Variants in DCAF6 observed in about 807,000 individuals in gnomAD.
DCAF6 encodes DDB1- and CUL4-associated factor 6.
A neutral mutation model predicts 125.1 loss-of-function variants in DCAF6; 54 were observed. The observed-to-expected ratio is 0.43, with a 90% CI of 0.35 to 0.54. The LOEUF is 0.54. Among genes scored for constraint, DCAF6 ranks in the 20% least tolerant of loss-of-function variants. The probability of loss-of-function intolerance (pLI) is 0.01; values close to 1 mark genes in which losing one functional copy is unlikely to be tolerated. For synonymous variants in DCAF6, 371 were observed against 390.4 expected, an observed-to-expected ratio of 0.95 and a Z score of 0.58; for missense variants, 934 against 1,161.7, an observed-to-expected ratio of 0.80 and a Z score of 2.85.
chr1:167,901,316 T>A, the DCAF6 span, among the ~76,000 whole-genome samples: 2 of 152,192 alleles, frequency 1.3e-5, no homozygotes, highest in Non-Finnish European at 2.9e-5. Flanking sequence ...AGTCTCTATT[T>A]TGTTTTATAC....
At chr1:167,929,450 T>A in the DCAF6 span, among the ~76,000 whole-genome samples, 1 of 152,230 alleles carries the variant, frequency 6.6e-6, no homozygotes, top group Non-Finnish European at 1.5e-5. Context: ...TGTGTTTTAT[T>A]GCCTTATTTT....
the DCAF6 span, among the ~76,000 whole-genome samples, chr1:167,907,944 C>T: frequency 2.0e-5 from 3 of 151,960 alleles, no homozygotes; most frequent in East Asian, 1.9e-4. Context: ...TCCATGGGCA[C>T]GATAGAAGAC....
chr1:168,028,765 C>T (rs1048957602), intron 12 of DCAF6, among the ~76,000 whole-genome samples: 18 of 152,008 alleles, frequency 1.2e-4, no homozygotes, highest in African/African-American at 4.3e-4. Context: ...TATACTATCA[C>T]CAAATTGAAA....
Position 167,987,495 on chromosome 1 carries a change from A to C in DCAF6, c.439A>C (p.Ile147Leu). 1 of 1,508,508 alleles carries C rather than the reference A, an allele frequency of 6.6e-7. No homozygotes were observed. The highest frequency in any genetic ancestry group is 9.2e-7 in the Non-Finnish European group (1 of 1,088,622). The allele number at this position is 1,508,508 out of a possible 1,614,324, so 93.4% of individuals were successfully genotyped here. ...TCTGCACTTTTCTTTTCATCTTCAGATTATGACTGTACCCAATGACCCTTA... is the reference window on the plus strand; with the variant it reads ...TCTGCACTTTTCTTTTCATCTTCAGCTTATGACTGTACCCAATGACCCTTA... The part of the protein sequence containing the change: ...FTCHYGTTYE[I>L]MTVPNDPYTF... The change falls in exon 5 of 22, where the codon ATT (isoleucine) becomes CTT (leucine). Residue 147 changes from isoleucine (I) to leucine (L), a missense_variant and splice_region_variant. This residue lies in a region of DCAF6 where 309 missense variants were observed against 381.2 expected (regional missense o/e 0.81). Transcript: ENST00000367840.
At chr1:167,908,808 T>C in the DCAF6 span, among the ~76,000 whole-genome samples, 1 of 152,190 alleles carries the variant, frequency 6.6e-6, no homozygotes, top group South Asian at 2.1e-4. Flanking sequence ...AAAGAATAAG[T>C]GCAAAGTGCT....
intron 17 of DCAF6, chr1:168,056,201 A>C: frequency 6.2e-7 from 1 of 1,612,426 alleles, no homozygotes; most frequent in Middle Eastern, 1.7e-4. Flanking sequence ...CTTCCTGTGC[A>C]AAATTGCTGA....
At chr1:167,952,559 A>G (rs1158141162) in intron 2 of DCAF6, among the ~76,000 whole-genome samples, 1 of 152,122 alleles carries the variant, frequency 6.6e-6, no homozygotes, top group African/African-American at 2.4e-5. Flanking sequence ...GCTTTTGCTA[A>G]CACCATACTC....
intron 17 of DCAF6, among the ~76,000 whole-genome samples, chr1:168,054,809 T>C (rs1690404390): frequency 1.3e-5 from 2 of 148,246 alleles, no homozygotes; most frequent in Non-Finnish European, 1.5e-5. Flanking sequence ...TAAAAGAACA[T>C]ACGGGTTTGG....
intron 16 of DCAF6, among the ~76,000 whole-genome samples, chr1:168,050,001 A>T: frequency 1.4e-5 from 2 of 147,120 alleles, no homozygotes. Flanking sequence ...GTTGTAAGTG[A>T]TTTGACGGCC....
At chr1:167,950,051 G>A (rs549242984) in intron 1 of DCAF6, among the ~76,000 whole-genome samples, 2 of 152,168 alleles carry the variant, frequency 1.3e-5, no homozygotes, top group Admixed American at 6.5e-5. Flanking sequence ...ATGTGCAAAC[G>A]TCATATAGAA....
At chr1:168,055,233 G>C (rs1690493264) in intron 17 of DCAF6, among the ~76,000 whole-genome samples, 1 of 150,378 alleles carries the variant, frequency 6.6e-6, no homozygotes, top group African/African-American at 2.4e-5. Flanking sequence ...AATTGTTGCA[G>C]AAACTCTTCT....
chr1:167,875,515 G>A, the DCAF6 span, among the ~76,000 whole-genome samples: 1 of 152,256 alleles, frequency 6.6e-6, no homozygotes, highest in African/African-American at 2.4e-5. Context: ...ATGTGGTGCA[G>A]AGTCACACAT....
the DCAF6 span, among the ~76,000 whole-genome samples, chr1:167,874,129 C>T: frequency 6.6e-6 from 1 of 152,208 alleles, no homozygotes; most frequent in South Asian, 2.1e-4. Context: ...GTTAGGAGAT[C>T]AAGACCAGTC....
chr1:167,992,181 A>C (rs919842731), intron 6 of DCAF6, among the ~76,000 whole-genome samples: 23 of 152,206 alleles, frequency 1.5e-4, no homozygotes, highest in East Asian at 1.3e-3. Flanking sequence ...CTATAGGATC[A>C]AAGTACTTCC....
intron 12 of DCAF6, among the ~76,000 whole-genome samples, chr1:168,032,304 GTAGA>G (rs1289970478): frequency 1.3e-5 from 2 of 152,224 alleles, no homozygotes; most frequent in Non-Finnish European, 2.9e-5. Context: ...TATCTGTAGG[GTAGA>G]TAGATCTTCT....
chr1:167,870,170 A>G, the DCAF6 span: 7,429 of 1,459,482 alleles, frequency 5.1e-3, 94 homozygotes, highest in African/African-American at 0.039. Flanking sequence ...GATAATTTAC[A>G]TAAGGCAAGT....
At chr1:167,931,769 A>C (rs1337021188), upstream of DCAF6, among the ~76,000 whole-genome samples, 1 of 152,154 alleles carries the variant, frequency 6.6e-6, no homozygotes, top group Non-Finnish European at 1.5e-5. Context: ...CTATTGTAAC[A>C]TCAATTCTCT....
chr1:168,004,517 A>C lies in DCAF6; in HGVS notation c.1118-16A>C. Reference sequence around the variant, plus strand: ...AATATTTAAAATTTGAATTTGCCTTAACATGTGTTTTGAAGGTGGAACAAG... The same window carrying C: ...AATATTTAAAATTTGAATTTGCCTTCACATGTGTTTTGAAGGTGGAACAAG... On this transcript the variant is annotated splice_polypyrimidine_tract_variant and intron_variant, in intron 9 of 21. Transcript: ENST00000367840. 6.2e-7 allele frequency: 1 copy of C among 1,610,862 alleles called. No homozygotes were observed. The highest frequency in any genetic ancestry group is 8.5e-7 in the Non-Finnish European group (1 of 1,177,732).
intron 5 of DCAF6, among the ~76,000 whole-genome samples, chr1:167,988,727 T>C (rs1341037798): frequency 6.6e-6 from 1 of 151,930 alleles, no homozygotes; most frequent in Non-Finnish European, 1.5e-5. Flanking sequence ...GTTAACATGC[T>C]TTAGGGGAAA....
Sources: allele counts gnomAD v4.1 joint callset (sites outside exome capture counted in the v4.1 genomes callset), GRCh38; gene constraint gnomAD v4.1.1; regional missense constraint gnomAD v4.1.1; transcripts MANE v1.5; gene names NCBI Gene and HGNC (gene_info 2026-07-23, HGNC 2026-07-21).